Variants in CD244 observed in about 807,000 individuals in gnomAD.
The protein encoded by CD244 is CD244 molecule.
CD244 carries 20 observed loss-of-function variants against 45.5 expected under a neutral mutation model. That is an observed-to-expected ratio of 0.44 (90% CI 0.31 to 0.64). The LOEUF is 0.64. Ranked by LOEUF, CD244 falls within the 30% of genes least tolerant of loss-of-function variation. The probability of loss-of-function intolerance (pLI) is 0.08; values close to 1 mark genes in which losing one functional copy is unlikely to be tolerated. For synonymous variants in CD244, 185 were observed against 160.5 expected (o/e 1.15, Z -1.15); for missense variants, 407 against 426.9 (o/e 0.95, Z 0.41).
rs952527268 is a variant in CD244 at position 160,841,977 on chromosome 1, T to G, written c.62-76A>C. ...GCAATGTGGGCAGCTGGATGTGACT[T>G]CCCTTAAGCCAATTGGGTGGGGATG... is the stretch of plus-strand genomic sequence containing the variant. On this transcript the variant is annotated intron_variant, in intron 1 of 8. Transcript: ENST00000368034. The G allele has an allele frequency of 8.7e-6, 11 of 1,263,046 alleles. No homozygotes were observed. In the African/African-American group the frequency reaches 1.3e-4, roughly 15 times the overall value. The allele number at this position is 1,263,046 out of a possible 1,614,324, so 78.2% of individuals were successfully genotyped here.
At chr1:160,855,221 G>A (rs1490713147) in intron 1 of CD244, among the ~76,000 whole-genome samples, 2 of 152,356 alleles carry the variant, frequency 1.3e-5, no homozygotes, top group African/African-American at 4.8e-5. Flanking sequence ...AAGAGATGAC[G>A]AAGGTGTGGA....
At chr1:160,834,008 C>G in intron 7 of CD244, 43 bp downstream of exon 7, 3 of 1,400,662 alleles carry the variant, frequency 2.1e-6, no homozygotes, top group Non-Finnish European at 3.0e-6. Context: ...AAATACACAT[C>G]TACATCAACA....
intron 4 of CD244, 151 bp from the exon 5 acceptor site, chr1:160,838,669 A>T: frequency 1.5e-6 from 1 of 664,612 alleles, no homozygotes. Context: ...AACCCCAAAG[A>T]GCACAGAGGC....
rs1013279263 is a variant in CD244, at chr1:160,832,681, G to A, written c.961-106C>T. 2.6e-6 allele frequency: 4 copies of A among 1,561,628 alleles called. No individual in the cohort carries two copies. The African/African-American group carries it at 5.4e-5, about 21-fold the overall frequency. Reference sequence around the variant, plus strand: ...GAGACTCAGGGCCCAGAAAAATTCTGAGGCACTCTCAGCCAGAAAATGAAT... The same window carrying A: ...GAGACTCAGGGCCCAGAAAAATTCTAAGGCACTCTCAGCCAGAAAATGAAT... On this transcript the variant is annotated intron_variant, in intron 7 of 8. Transcript: ENST00000368034.
chr1:160,859,255 C>T (rs74124348), intron 1 of CD244, among the ~76,000 whole-genome samples: 2,653 of 152,254 alleles, frequency 0.017, 75 homozygotes, highest in African/African-American at 0.061. Flanking sequence ...CCAGGACCAG[C>T]AGGCAACATG....
chr1:160,838,798 G>A (rs983369014), intron 4 of CD244, 141 bp downstream of exon 4: 8 of 641,214 alleles, frequency 1.2e-5, no homozygotes, highest in Admixed American at 5.8e-5. Flanking sequence ...CTTGCCCCCC[G>A]CCACCACGCA....
At chr1:160,832,790 G>T in intron 7 of CD244, 1 of 980,352 alleles carries the variant, frequency 1.0e-6, no homozygotes, top group Non-Finnish European at 1.5e-6. Context: ...CCTATAATAT[G>T]ATATTTCTGA....
intron 6 of CD244, among the ~76,000 whole-genome samples, chr1:160,835,022 T>A (rs1669280453): frequency 6.6e-6 from 1 of 152,220 alleles, no homozygotes; most frequent in African/African-American, 2.4e-5. Flanking sequence ...CTGGCAGATA[T>A]CAACCGCTCT....
intron 5 of CD244, among the ~76,000 whole-genome samples, chr1:160,837,489 A>C (rs1245012215): frequency 6.6e-6 from 1 of 152,182 alleles, no homozygotes; most frequent in Non-Finnish European, 1.5e-5. Flanking sequence ...AAAATAAATA[A>C]ATAAATAAAG....
intron 1 of CD244, among the ~76,000 whole-genome samples, chr1:160,858,305 C>A (rs1670181288): frequency 1.3e-5 from 2 of 152,054 alleles, no homozygotes; most frequent in Non-Finnish European, 1.5e-5. Flanking sequence ...CCAAAGCAGT[C>A]GCAGTTAGAC....
At chr1:160,836,159 TAGGTA>T (rs781082177) in intron 6 of CD244, 31 bp downstream of exon 6, 1 of 1,513,404 alleles carries the variant, frequency 6.6e-7, no homozygotes, top group Non-Finnish European at 9.2e-7. Context: ...ACCCCAGAGA[TAGGTA>T]TGGAATGGAC....
Position 160,841,335 on chromosome 1 carries a change from A to G in CD244, c.530T>C (p.Leu177Pro). The G allele has an allele frequency of 6.2e-7, 1 of 1,614,170 alleles. No homozygotes were observed. Among genetic ancestry groups the G allele is most frequent in the Non-Finnish European group, 8.5e-7 (1 of 1,180,022 alleles). The change falls in exon 3 of 9, where the codon CTC becomes CCC. Residue 177 changes from leucine to proline, a missense_variant. Transcript: ENST00000368034. ...GSKLIQTAGN[L>P]TYLDEEVDIN... is the part of the protein sequence containing the mutation. The stretch of plus-strand genomic sequence containing the variant: ...GTCAACCTCCTCGTCCAGGTAGGTG[A>G]GGTTCCCTGCTGTCTGGATCAGCTT...
chr1:160,850,303 G>A (rs1214443458), intron 1 of CD244, among the ~76,000 whole-genome samples: 1 of 152,038 alleles, frequency 6.6e-6, no homozygotes, highest in Non-Finnish European at 1.5e-5. Context: ...TGCAACAAAA[G>A]ATTGCTGAGA....
rs1473269856 is a variant in CD244, at chr1:160,841,315, C to A, written c.550G>T (p.Val184Phe). The A allele has an allele frequency of 6.2e-7, 1 of 1,614,198 alleles. No homozygotes were observed. Among genetic ancestry groups the A allele is most frequent in the East Asian group, 2.2e-5 (1 of 44,878 alleles). Residue 184 changes from valine (V) to phenylalanine (F), a missense_variant, in exon 3 of 9, where the codon GTT becomes TTT. By Grantham distance (50) the Val-to-Phe change is conservative. Transcript: ENST00000368034. ...TATGTGTGAGTGCCATTAATGTCAACCTCCTCGTCCAGGTAGGTGAGGTTC... is the reference window on the plus strand; with the variant it reads ...TATGTGTGAGTGCCATTAATGTCAAACTCCTCGTCCAGGTAGGTGAGGTTC... The part of the protein sequence containing the change: ...AGNLTYLDEE[V>F]DINGTHTYTC...
At chr1:160,832,870 G>GTGTATA (rs1336342075) in intron 7 of CD244, among the ~76,000 whole-genome samples, 40 of 117,914 alleles carry the variant, frequency 3.4e-4, no homozygotes, top group South Asian at 8.2e-4. Context: ...GTGTGTGTGT[G>GTGTATA]TATATATATA....
At chr1:160,852,743 C>T (rs990946034) in intron 1 of CD244, among the ~76,000 whole-genome samples, 3 of 151,994 alleles carry the variant, frequency 2.0e-5, no homozygotes, top group African/African-American at 7.2e-5. Context: ...AAAATCTGGG[C>T]CAGGCATGGT....
chr1:160,833,215 A>G (rs1669200378), intron 7 of CD244, among the ~76,000 whole-genome samples: 11 of 152,178 alleles, frequency 7.2e-5, no homozygotes, highest in Admixed American at 7.2e-4. Context: ...GCATATAATT[A>G]AAAACAAATC....
chr1:160,845,229 T>C lies in CD244; in HGVS notation c.62-3328A>G, dbSNP rs543328495. Among the ~76,000 whole-genome samples, 7 of 151,726 alleles carry C rather than the reference T, an allele frequency of 4.6e-5. No individual in the cohort carries two copies. The East Asian group carries it at 1.2e-3, about 25-fold the overall frequency. On this transcript the variant is annotated intron_variant, in intron 1 of 8. Transcript: ENST00000368034. ...AAGAATTCAATGAAAATTACAGAAA[T>C]AAAATGTAAAATAACTGTAAAACAA...
intron 1 of CD244, among the ~76,000 whole-genome samples, chr1:160,847,470 A>G (rs1486946954): frequency 1.3e-5 from 2 of 152,198 alleles, no homozygotes; most frequent in African/African-American, 2.4e-5. Flanking sequence ...AAGTGTCAAC[A>G]AAGTTCAAAG....
Sources: gnomAD v4.1 joint callset for allele counts (sites outside exome capture counted in the v4.1 genomes callset) on GRCh38, gnomAD v4.1.1 for gene constraint, MANE v1.5 for transcripts, NCBI Gene and HGNC (gene_info 2026-07-23, HGNC 2026-07-21) for gene names.